The following COX5A variants were observed in gnomAD, a reference collection of about 807,000 sequenced individuals.
COX5A encodes the protein cytochrome c oxidase subunit 5A, mitochondrial.
Under a neutral mutation model 16.1 loss-of-function variants are expected in COX5A, and 6 were observed. The ratio of observed to expected loss-of-function variants is 0.37; its 90% CI spans 0.20 to 0.73. COX5A has a LOEUF of 0.73. Among genes scored for constraint, COX5A ranks in the 30% least tolerant of loss-of-function variants. COX5A has a pLI of 0.50. For missense variants in COX5A, 159 were observed against 194.9 expected (o/e 0.82, Z 1.10); for synonymous variants, 73 against 73.8 (o/e 0.99, Z 0.06).
intron 3 of COX5A, among the ~76,000 whole-genome samples, chr15:74,924,188 GAAACA>G (rs908140130): frequency 1.7e-3 from 258 of 151,716 alleles, no homozygotes; most frequent in African/African-American, 5.9e-3. Context: ...CTCAAAAAAC[GAAACA>G]AAACAAAACA....
chr15:74,934,553 G>A (rs375801242), intron 1 of COX5A, among the ~76,000 whole-genome samples: 15 of 152,160 alleles, frequency 9.9e-5, no homozygotes, highest in African/African-American at 3.6e-4. Context: ...GGATGGTCTC[G>A]ATCTCCTGAC....
At chr15:74,936,466 T>A (rs1449325693) in intron 1 of COX5A, among the ~76,000 whole-genome samples, 1 of 151,354 alleles carries the variant, frequency 6.6e-6, no homozygotes, top group Non-Finnish European at 1.5e-5. Flanking sequence ...GGTGGGAGGA[T>A]CACCTGAGCC....
intron 1 of COX5A, among the ~76,000 whole-genome samples, chr15:74,931,698 C>T (rs1024835407): frequency 5.9e-5 from 9 of 151,834 alleles, no homozygotes; most frequent in African/African-American, 1.9e-4. Context: ...AGACTACAGG[C>T]GAGCGCCACT....
At chr15:74,925,004 G>A (rs929826326) in intron 3 of COX5A, among the ~76,000 whole-genome samples, 1 of 152,150 alleles carries the variant, frequency 6.6e-6, no homozygotes, top group African/African-American at 2.4e-5. Flanking sequence ...AGGTTCCTTA[G>A]GAACGAATAA....
intron 1 of COX5A, among the ~76,000 whole-genome samples, chr15:74,933,614 C>T (rs552207668): frequency 3.9e-5 from 6 of 152,186 alleles, no homozygotes; most frequent in African/African-American, 9.6e-5. Flanking sequence ...TAAAGCTAGC[C>T]TTAACTGAAT....
At chr15:74,928,558 T>G (rs2065353481) in intron 2 of COX5A, among the ~76,000 whole-genome samples, 1 of 152,306 alleles carries the variant, frequency 6.6e-6, no homozygotes, top group South Asian at 2.1e-4. Flanking sequence ...CTAATTTTTT[T>G]GTATTTTTAG....
intron 2 of COX5A, among the ~76,000 whole-genome samples, chr15:74,928,485 C>G (rs557933944): frequency 1.6e-4 from 24 of 151,832 alleles, no homozygotes; most frequent in African/African-American, 5.8e-4. Flanking sequence ...CCCGGGTTCA[C>G]GCCATTCTCC....
At chr15:74,934,738 A>G (rs183859932) in intron 1 of COX5A, among the ~76,000 whole-genome samples, 4 of 152,258 alleles carry the variant, frequency 2.6e-5, no homozygotes, top group Admixed American at 2.0e-4. Context: ...AAACTCTACT[A>G]GCATTCTCTG....
chr15:74,921,148 C>T (rs2141269123), intron 4 of COX5A, among the ~76,000 whole-genome samples: 1 of 152,230 alleles, frequency 6.6e-6, no homozygotes, highest in South Asian at 2.1e-4. Context: ...TGGCTCACGC[C>T]TGTAATCCCA....
chr15:74,929,273 G>A (rs755767527), intron 1 of COX5A, 41 bp from the exon 2 acceptor site: 7 of 1,340,340 alleles, frequency 5.2e-6, no homozygotes, highest in Non-Finnish European at 6.4e-6. Context: ...TACACAAATA[G>A]TACTTGATAT....
chr15:74,928,291 TTAGA>T (rs1383236310), intron 2 of COX5A, among the ~76,000 whole-genome samples: 1 of 152,216 alleles, frequency 6.6e-6, no homozygotes, highest in Non-Finnish European at 1.5e-5. Flanking sequence ...TCTAACTTAC[TTAGA>T]TACTTATTCA....
At chr15:74,928,777 C>A (rs1280860945) in intron 2 of COX5A, among the ~76,000 whole-genome samples, 1 of 152,176 alleles carries the variant, frequency 6.6e-6, no homozygotes, top group Non-Finnish European at 1.5e-5. Context: ...GTGACTTCAT[C>A]CCTCAGGAGA....
chr15:74,928,054 T>C (rs1210171326), intron 2 of COX5A, among the ~76,000 whole-genome samples: 1 of 152,232 alleles, frequency 6.6e-6, no homozygotes, highest in East Asian at 1.9e-4. Context: ...CTCCAGATTG[T>C]TCAGTAAGAA....
intron 1 of COX5A, among the ~76,000 whole-genome samples, chr15:74,933,418 A>AT (rs200940266): frequency 0.14 from 19,231 of 133,194 alleles, 1,621 homozygotes; most frequent in Non-Finnish European, 0.2. Context: ...CAAAAAAAAA[A>AT]ATATCTATCT....
At chr15:74,926,376 A>G (rs2065343801) in intron 3 of COX5A, among the ~76,000 whole-genome samples, 1 of 151,544 alleles carries the variant, frequency 6.6e-6, no homozygotes, top group African/African-American at 2.4e-5. Context: ...GGGTTTCACC[A>G]TGTTGGCCAG....
chr15:74,933,419 A>ATC (rs1238161758), intron 1 of COX5A, among the ~76,000 whole-genome samples: 14,240 of 143,028 alleles, frequency 0.1, 929 homozygotes, highest in Non-Finnish European at 0.15. Flanking sequence ...AAAAAAAAAA[A>ATC]TATCTATCTA....
At chr15:74,924,520 C>CAAA (rs1555406782) in intron 3 of COX5A, among the ~76,000 whole-genome samples, 2 of 119,378 alleles carry the variant, frequency 1.7e-5, no homozygotes, top group Admixed American at 9.1e-5. Context: ...GACTCTGTCT[C>CAAA]AAAAAAATAA....
At chr15:74,932,985 G>C (rs1246291440) in intron 1 of COX5A, among the ~76,000 whole-genome samples, 2 of 151,294 alleles carry the variant, frequency 1.3e-5, no homozygotes, top group African/African-American at 4.9e-5. Context: ...CATGAGCCAC[G>C]GTGCCCAGCC....
At chr15:74,934,531 C>T (rs1361121686) in intron 1 of COX5A, among the ~76,000 whole-genome samples, 3 of 152,090 alleles carry the variant, frequency 2.0e-5, no homozygotes, top group African/African-American at 7.2e-5. Context: ...CGGGGTTTCA[C>T]CGCGTTAGCC....
Sources: gnomAD v4.1 joint callset for allele counts (sites outside exome capture counted in the v4.1 genomes callset) on GRCh38, gnomAD v4.1.1 for gene constraint, MANE v1.5 for transcripts, NCBI Gene and HGNC (gene_info 2026-07-23, HGNC 2026-07-21) for gene names.